TCF7: variants seen among roughly 807,000 people sequenced by gnomAD.
TCF7 encodes transcription factor 7, also known as T-cell-factor-7.
In TCF7, 19 loss-of-function variants were observed where a neutral mutation model predicts 46.8. The observed-to-expected ratio is 0.41, with a 90% CI of 0.28 to 0.60. The LOEUF is 0.60. TCF7 is among the 20% of genes least tolerant of loss of function. The pLI, the probability that TCF7 is intolerant of heterozygous loss-of-function variation, is 0.35. For missense variants in TCF7, 547 were observed against 504.6 expected, an observed-to-expected ratio of 1.08 and a Z score of -0.81; for synonymous variants, 245 against 213.4, an observed-to-expected ratio of 1.15 and a Z score of -1.29.
rs138667903 is a variant in TCF7, at chr5:134,145,942, G to C, written c.1076-282G>C. 3.6e-5 allele frequency: 53 copies of C among 1,488,040 alleles called. No individual in the cohort carries two copies. In the African/African-American group the frequency reaches 7.1e-4, roughly 20 times the overall value. 92.2% of individuals were successfully genotyped at this position (1,488,040 alleles called of 1,614,324 possible). ...CCGGGACTGGGAGATGACTCCCTTGGAAGACAGGAGAGATGACTCCCTTGG... is the reference window on the plus strand; with the variant it reads ...CCGGGACTGGGAGATGACTCCCTTGCAAGACAGGAGAGATGACTCCCTTGG... On this transcript the variant is annotated intron_variant, in intron 9 of 9. Transcript: ENST00000342854.
rs761774509 is a variant in TCF7 at position 134,142,900 on chromosome 5, G to A, written c.918+17G>A. ...GGCCGCAGGGTGAGACCATGGGCAG[G>A]TGGGCTGGCAGGGATGCTCCCCGAC... On this transcript the variant is annotated intron_variant, in intron 7 of 9. Coordinates refer to ENST00000342854, the MANE Select transcript of TCF7 (RefSeq NM_003202.5). 8.7e-6 allele frequency: 14 copies of A among 1,611,650 alleles called. No homozygotes were observed. The highest frequency in any genetic ancestry group is 3.3e-5 in the Admixed American group (2 of 59,990).
In TCF7 at chr5:134,146,230, A is replaced by G; in HGVS notation, c.1082A>G (p.Lys361Arg). ...CTCTCTTCACTATTCCTAGGAGGAA[A>G]AAGAAATGCATTCGGTACTTACCCG... ...EKHQESTTGG[K>R]RNAFGTYPEK... The change falls in exon 10 of 10, where the codon AAA (lysine) becomes AGA (arginine). Residue 361 changes from lysine to arginine, a missense_variant. Lys to Arg is a conservative substitution (Grantham distance 26, BLOSUM62 2). Coordinates refer to ENST00000342854, the MANE Select transcript of TCF7 (RefSeq NM_003202.5). 6.2e-7 allele frequency: 1 copy of G among 1,614,176 alleles called. No individual in the cohort carries two copies. The highest frequency in any genetic ancestry group is 1.7e-5 in the Admixed American group (1 of 60,022).
chr5:134,113,901 G>A (rs144807489), upstream of TCF7, among the ~76,000 whole-genome samples: 1 of 152,322 alleles, frequency 6.6e-6, no homozygotes, highest in Non-Finnish European at 1.5e-5. Flanking sequence ...TCGGAATCCC[G>A]CGCCCACGTG....
rs528995651 is a variant in TCF7, at chr5:134,137,316, CG to C, written c.442-740del. ...GCGGGTGCCTGTAATTCCAGCTACT[CG>C]GGAAGCTGAGTCAGGAGAATCGCTT... is the stretch of plus-strand genomic sequence containing the variant. On this transcript the variant is annotated intron_variant, in intron 3 of 9. Coordinates refer to ENST00000342854, the MANE Select transcript of TCF7 (RefSeq NM_003202.5). 2.0e-5 allele frequency among the ~76,000 whole-genome samples: 3 copies of C among 149,574 alleles called. No individual in the cohort carries two copies. In the East Asian group the frequency reaches 6.0e-4, roughly 30 times the overall value.
chr5:134,129,397 T>C (rs982284702), intron 3 of TCF7, among the ~76,000 whole-genome samples: 2 of 152,126 alleles, frequency 1.3e-5, no homozygotes, highest in African/African-American at 2.4e-5. Context: ...AGCGGAGCTA[T>C]GAGGTTGTGC....
chr5:134,143,487 G>A lies in TCF7; in HGVS notation c.1027-105G>A, dbSNP rs563287756. ...ACACCAGCACCCCAAGGTAGGAGGG[G>A]CCTGTACGCCCAGAATCCCAGGGTT... On this transcript the variant is annotated intron_variant, in intron 8 of 9. Transcript: ENST00000342854. 15 of 1,357,994 alleles carry A rather than the reference G, an allele frequency of 1.1e-5. No individual in the cohort carries two copies. In the South Asian group the frequency reaches 1.8e-4, roughly 16 times the overall value. The allele number at this position is 1,357,994 out of a possible 1,614,324, so 84.1% of individuals were successfully genotyped here. A position where few individuals can be genotyped will look rare whatever the true frequency, so the allele number is the denominator to read the frequency against.
chr5:134,140,543 A>G (rs1759582812), intron 5 of TCF7: 1 of 330,206 alleles, frequency 3.0e-6, no homozygotes, highest in South Asian at 2.2e-5. Flanking sequence ...AAGAAACAGA[A>G]GCAGGCTGGA....
intron 3 of TCF7, among the ~76,000 whole-genome samples, chr5:134,118,589 G>A (rs976386299): frequency 6.6e-6 from 1 of 152,098 alleles, no homozygotes; most frequent in Non-Finnish European, 1.5e-5. Context: ...CAACTGCCAC[G>A]GGACACATTT....
intron 3 of TCF7, among the ~76,000 whole-genome samples, chr5:134,130,324 A>C (rs1256306820): frequency 6.6e-6 from 1 of 150,922 alleles, no homozygotes; most frequent in Non-Finnish European, 1.5e-5. Context: ...ACTCCTCGGC[A>C]CAAAGCGCCA....
rs988105500 is a variant in TCF7 at position 134,147,500 on chromosome 5, C to T, written c.*1197C>T. 4 of 152,650 alleles carry T rather than the reference C, an allele frequency of 2.6e-5. No individual in the cohort carries two copies. The highest frequency in any genetic ancestry group is 1.9e-4 in the East Asian group (1 of 5,196). 9.5% of individuals were successfully genotyped at this position (152,650 alleles called of 1,614,324 possible). On this transcript the variant is annotated 3_prime_UTR_variant, in exon 10 of 10. Transcript: ENST00000342854. Reference sequence around the variant, plus strand: ...AGTCCGCCTGGCCGGCTCCAGTTTCCCCATGGGGCTGCGGGACAGAGGACC... The same window carrying T: ...AGTCCGCCTGGCCGGCTCCAGTTTCTCCATGGGGCTGCGGGACAGAGGACC...
At chr5:134,134,521 TG>T (rs1418841489) in intron 3 of TCF7, among the ~76,000 whole-genome samples, 1 of 152,194 alleles carries the variant, frequency 6.6e-6, no homozygotes, top group Non-Finnish European at 1.5e-5. Flanking sequence ...TGATGTTGCC[TG>T]GCTGGCTGGT....
chr5:134,126,085 A>G (rs1326817781), intron 3 of TCF7, among the ~76,000 whole-genome samples: 1 of 152,288 alleles, frequency 6.6e-6, no homozygotes, highest in Non-Finnish European at 1.5e-5. Flanking sequence ...CATTCAAATC[A>G]GATGGCTCTG....
At chr5:134,142,071 TATC>T (rs1759877669) in intron 5 of TCF7, 111 bp from the exon 6 acceptor site, 4 of 1,420,360 alleles carry the variant, frequency 2.8e-6, no homozygotes, top group Middle Eastern at 1.8e-4. Flanking sequence ...TAGGATAGAG[TATC>T]TATCTGTTCA....
intron 5 of TCF7, 180 bp downstream of exon 5, chr5:134,139,218 C>A: frequency 1.1e-6 from 1 of 914,120 alleles, no homozygotes; most frequent in Non-Finnish European, 1.6e-6. Flanking sequence ...TCCTCATGTA[C>A]CCCGGCCTGC....
upstream of TCF7, among the ~76,000 whole-genome samples, chr5:134,113,212 C>T (rs1039750762): frequency 6.6e-6 from 1 of 152,206 alleles, no homozygotes; most frequent in Non-Finnish European, 1.5e-5. Flanking sequence ...GGCAGGGTCC[C>T]CCTCATCTCC....
chr5:134,143,193 C>T (rs1327637694), intron 8 of TCF7, 93 bp downstream of exon 8: 2 of 1,382,524 alleles, frequency 1.4e-6, no homozygotes, highest in African/African-American at 1.4e-5. Context: ...CGCAGAACTA[C>T]TGTCCTGAAG....
intron 3 of TCF7, among the ~76,000 whole-genome samples, chr5:134,134,039 C>T (rs1758513512): frequency 1.3e-5 from 2 of 152,230 alleles, no homozygotes; most frequent in African/African-American, 2.4e-5. Flanking sequence ...GCTCTGGCCT[C>T]CCCACTCCTG....
At chr5:134,145,780 AAG>A (rs1760607511) in intron 9 of TCF7, 1 of 1,613,970 alleles carries the variant, frequency 6.2e-7, no homozygotes, top group Middle Eastern at 1.6e-4. Context: ...GGTAATGGAC[AAG>A]AGTCACTGTC....
At chr5:134,142,109 T>C (rs766420848) in intron 5 of TCF7, 76 bp from the exon 6 acceptor site, 19 of 1,598,124 alleles carry the variant, frequency 1.2e-5, no homozygotes, top group African/African-American at 4.0e-5. Context: ...TTATGTATTA[T>C]GCAGGGGCCT....
Sources: allele counts gnomAD v4.1 joint callset (sites outside exome capture counted in the v4.1 genomes callset), GRCh38; gene constraint gnomAD v4.1.1; transcripts MANE v1.5; gene names NCBI Gene and HGNC (gene_info 2026-07-23, HGNC 2026-07-21).